RASL12: variants seen among roughly 807,000 people sequenced by gnomAD.
The protein encoded by RASL12 is ras-like protein family member 12.
RASL12 carries 16 observed loss-of-function variants against 22.9 expected under a neutral mutation model. That is an observed-to-expected ratio of 0.70 (90% confidence interval 0.47 to 1.06). RASL12 has a LOEUF of 1.06. Ranked by LOEUF, RASL12 falls within the 50% of genes least tolerant of loss-of-function variation. The pLI, the probability that RASL12 is intolerant of heterozygous loss-of-function variation, is 0.00. For synonymous variants in RASL12, 159 were observed against 152.2 expected (o/e 1.04, Z -0.33); for missense variants, 306 against 353.1 (o/e 0.87, Z 1.07).
downstream of RASL12, chr15:65,049,859 G>A: frequency 1.9e-6 from 1 of 538,572 alleles, no homozygotes; most frequent in Non-Finnish European, 3.2e-6. Flanking sequence ...ATCAAACTCG[G>A]GTGGGATATC....
intron 1 of RASL12, among the ~76,000 whole-genome samples, chr15:65,066,036 AAGAGT>A (rs1238704051): frequency 7.4e-6 from 1 of 135,400 alleles, no homozygotes; most frequent in East Asian, 2.5e-4. Flanking sequence ...AAGAGAAGAG[AAGAGT>A]AGAGAAGAGA....
chr15:65,056,635 C>A lies in RASL12; in HGVS notation c.426-1361G>T, dbSNP rs959199220. On this transcript the variant is annotated intron_variant, in intron 4 of 4. Transcript: ENST00000220062. ...AGAGGCACAGAACATTGTCCTTTTT[C>A]TTATTTTGTTGCATCCTAGGGAAAA... Among the ~76,000 whole-genome samples the A allele has an allele frequency of 2.0e-5, 3 of 152,192 alleles. No individual in the cohort carries two copies. The South Asian group carries it at 6.2e-4, about 32-fold the overall frequency.
upstream of RASL12, among the ~76,000 whole-genome samples, chr15:65,069,954 G>A (rs534869476): frequency 3.5e-4 from 54 of 152,224 alleles, no homozygotes; most frequent in Middle Eastern, 6.8e-3. Context: ...TCATGGCTGC[G>A]ACCTATCCTT....
chr15:65,045,732 C>T, the RASL12 span: 2 of 152,284 alleles, frequency 1.3e-5, no homozygotes, highest in East Asian at 3.9e-4. Flanking sequence ...AGTATGACAT[C>T]CTAAATGGGA....
In RASL12 at chr15:65,058,544, C is replaced by A. The variant is rs907210836; in HGVS notation, c.308G>T (p.Arg103Leu). The stretch of plus-strand genomic sequence containing the variant: ...GCTGCTGCTGCTATCAAAGCTCTGG[C>A]GGCTGTCGACGCTGTACACCACCAG... ...AFLVVYSVDS[R>L]QSFDSSSSYL... Residue 103 changes from arginine to leucine, a missense_variant, in exon 4 of 5, where the codon CGC (arginine) becomes CTC (leucine). Arg to Leu is a moderately radical substitution (Grantham distance 102). Coordinates refer to ENST00000220062, the MANE Select transcript of RASL12 (RefSeq NM_016563.4). The A allele has an allele frequency of 2.5e-6, 4 of 1,611,166 alleles. No individual in the cohort carries two copies. Among genetic ancestry groups the A allele is most frequent in the Non-Finnish European group, 1.7e-6 (2 of 1,178,204 alleles).
At chr15:65,065,591 T>C (rs1052415656) in intron 1 of RASL12, among the ~76,000 whole-genome samples, 2 of 151,564 alleles carry the variant, frequency 1.3e-5, no homozygotes, top group Admixed American at 6.6e-5. Flanking sequence ...TACCCTAGAG[T>C]CAGCCTGGTG....
intron 1 of RASL12, among the ~76,000 whole-genome samples, chr15:65,074,210 C>T (rs915386792): frequency 7.3e-6 from 1 of 137,356 alleles, no homozygotes; most frequent in African/African-American, 2.8e-5. Context: ...GCCTTGTTCT[C>T]CAACCTGCCT....
intron 1 of RASL12, among the ~76,000 whole-genome samples, chr15:65,074,716 A>G (rs1370621601): frequency 6.6e-6 from 1 of 152,238 alleles, no homozygotes; most frequent in Admixed American, 6.5e-5. Context: ...CATTTGGAAC[A>G]TGAGGAACGG....
upstream of RASL12, among the ~76,000 whole-genome samples, chr15:65,072,273 T>G (rs2086937093): frequency 6.6e-6 from 1 of 152,254 alleles, no homozygotes; most frequent in African/African-American, 2.4e-5. Flanking sequence ...TATTTCTGGC[T>G]GCCTCCTCCA....
At chr15:65,047,087 TG>T in the RASL12 span, among the ~76,000 whole-genome samples, 16 of 152,190 alleles carry the variant, frequency 1.1e-4, no homozygotes, top group African/African-American at 3.6e-4. Context: ...CTGGGTGCAG[TG>T]GCTCACACCT....
At chr15:65,074,146 A>G (rs1395738322) in intron 1 of RASL12, among the ~76,000 whole-genome samples, 1 of 152,216 alleles carries the variant, frequency 6.6e-6, no homozygotes, top group Non-Finnish European at 1.5e-5. Flanking sequence ...CCCAAGCCAA[A>G]TTAAAACCCT....
Position 65,062,955 on chromosome 15 carries a change from G to T in RASL12, c.160+2262C>A, listed in dbSNP as rs2086829444. ...TGGTTGGCTCTCTGACTCGTGGGCTGTCAGTGTAGTGTGAGAGACCACAGA... is the reference window on the plus strand; with the variant it reads ...TGGTTGGCTCTCTGACTCGTGGGCTTTCAGTGTAGTGTGAGAGACCACAGA... On this transcript the variant is annotated intron_variant, in intron 2 of 4. Transcript: ENST00000220062. Among the ~76,000 whole-genome samples, 3 of 152,338 alleles carry T rather than the reference G, an allele frequency of 2.0e-5. No individual in the cohort carries two copies. The South Asian group carries it at 6.2e-4, about 32-fold the overall frequency.
chr15:65,053,366 A>T lies in RASL12; in HGVS notation c.*1533T>A, dbSNP rs2086682309. 7.2e-7 allele frequency: 1 copy of T among 1,395,070 alleles called. No individual in the cohort carries two copies. Among genetic ancestry groups the T allele is most frequent in the African/African-American group, 1.5e-5 (1 of 68,850 alleles). 86.4% of individuals were successfully genotyped at this position (1,395,070 alleles called of 1,614,324 possible). ...GTTATTAAAAAAAATCTTTTATTAA[A>T]ATGCTCCTGGAAGGGAGCAGGTGGT... On this transcript the variant is annotated 3_prime_UTR_variant, in exon 5 of 5. Coordinates refer to ENST00000220062, the MANE Select transcript of RASL12 (RefSeq NM_016563.4).
chr15:65,066,140 AAAAG>A (rs751466141), intron 1 of RASL12, among the ~76,000 whole-genome samples: 3 of 151,816 alleles, frequency 2.0e-5, no homozygotes, highest in South Asian at 2.1e-4. Flanking sequence ...AGAAAGAAAA[AAAAG>A]AAAGAAGAAG....
At chr15:65,074,695 C>G (rs1022772307) in intron 1 of RASL12, among the ~76,000 whole-genome samples, 1 of 152,222 alleles carries the variant, frequency 6.6e-6, no homozygotes, top group East Asian at 1.9e-4. Context: ...CCGTTCCTGG[C>G]CTACTGGTCC....
downstream of RASL12, chr15:65,051,734 C>A (rs932843232): frequency 4.8e-5 from 34 of 710,596 alleles, no homozygotes; most frequent in African/African-American, 5.2e-4. Context: ...CAAAATTCAG[C>A]CTTCAGTGTC....
chr15:65,067,044 T>C (rs766395705), intron 1 of RASL12, among the ~76,000 whole-genome samples: 20 of 152,052 alleles, frequency 1.3e-4, no homozygotes, highest in Admixed American at 5.9e-4. Context: ...TTCCAGAAAG[T>C]TGAGAGGGGT....
chr15:65,075,503 C>G (rs555622278), intron 1 of RASL12, among the ~76,000 whole-genome samples: 1 of 152,210 alleles, frequency 6.6e-6, no homozygotes, highest in Non-Finnish European at 1.5e-5. Flanking sequence ...CTGGTGGGGA[C>G]GTGGAGAGTC....
upstream of RASL12, chr15:65,068,100 C>CGGCTCCTGGAGCAGGGAGGG (rs1211394197): frequency 1.6e-5 from 17 of 1,046,132 alleles, no homozygotes; most frequent in East Asian, 1.1e-3. This position sits in a 1 kb window ranked among gnomAD's most constrained non-coding sequence, Gnocchi z 4.2. Flanking sequence ...CGCGCTCAGC[C>CGGCTCCTGGAGCAGGGAGGG]GGCTCCTGGA....
Sources: gnomAD v4.1 joint callset for allele counts (sites outside exome capture counted in the v4.1 genomes callset) on GRCh38, gnomAD v4.1.1 for gene constraint, Gnocchi (gnomAD v3.1) non-coding constraint, MANE v1.5 for transcripts, NCBI Gene and HGNC (gene_info 2026-07-23, HGNC 2026-07-21) for gene names.